Variants in PPP1R36 observed in about 807,000 individuals in gnomAD.
The protein encoded by PPP1R36 is chromosome 14 open reading frame 50.
Under a neutral mutation model 53.4 loss-of-function variants are expected in PPP1R36, and 47 were observed. The observed-to-expected ratio is 0.88, with a 90% confidence interval of 0.70 to 1.12. The LOEUF is 1.12. Among genes scored for constraint, PPP1R36 ranks in the 50% most tolerant of loss-of-function variants. The probability of loss-of-function intolerance (pLI) is 0.00; values close to 1 mark genes in which losing one functional copy is unlikely to be tolerated. For synonymous variants in PPP1R36, 153 were observed against 170.5 expected (o/e 0.90, Z 0.80); for missense variants, 456 against 513.9 (o/e 0.89, Z 1.09).
chr14:64,559,326 C>CTT (rs3832948), intron 3 of PPP1R36: 123,005 of 152,170 alleles, frequency 0.81, 49,868 homozygotes, highest in East Asian at 0.87. Flanking sequence ...GAACCGAACT[C>CTT]TTTCCCTGGG....
At chr14:64,581,497 C>T (rs1277441322) in intron 8 of PPP1R36, among the ~76,000 whole-genome samples, 1 of 152,158 alleles carries the variant, frequency 6.6e-6, no homozygotes, top group Non-Finnish European at 1.5e-5. Flanking sequence ...TCTTGTGACT[C>T]TAACTTCCTT....
At chr14:64,562,818 A>G (rs754415477) in intron 3 of PPP1R36, among the ~76,000 whole-genome samples, 1 of 152,020 alleles carries the variant, frequency 6.6e-6, no homozygotes, top group Non-Finnish European at 1.5e-5. Context: ...TTTACTTCCA[A>G]TAACCCCCAA....
rs376746042 is a variant in PPP1R36, at chr14:64,564,850, C to T, written c.269+13C>T. On this transcript the variant is annotated intron_variant, in intron 4 of 11. Transcript: ENST00000298705. ...CAGCTTCAGACAGGTAGATTAACTT[C>T]CCAATCATGCCAGAGTTGCTGATAG... 7.8e-5 allele frequency: 123 copies of T among 1,569,694 alleles called. No individual in the cohort carries two copies. The highest frequency in any genetic ancestry group is 1.0e-4 in the Non-Finnish European group (116 of 1,148,632).
rs373435160 is a variant in PPP1R36 at position 64,550,034 on chromosome 14, C to G, written c.37C>G (p.Arg13Gly). ...GCCCGAGTTTTATGCGAGGAGGAAG[C>G]GGTTAGGTGGGCAGACCCCTTACTT... Reference protein sequence around the residue: ...RVPEFYARRKRLGGQTPYLMD... With the variant: ...RVPEFYARRKGLGGQTPYLMD... Residue 13 changes from arginine to glycine, a missense_variant, in exon 1 of 12, where the codon CGG becomes GGG. By Grantham distance (125) the Arg-to-Gly change is moderately radical. Coordinates refer to ENST00000298705, the MANE Select transcript of PPP1R36 (RefSeq NM_172365.3). 10 of 1,574,164 alleles carry G rather than the reference C, an allele frequency of 6.4e-6. No homozygotes were observed. The East Asian group carries it at 1.2e-4, about 18-fold the overall frequency.
At chr14:64,561,413 G>T (rs1032472657) in intron 3 of PPP1R36, among the ~76,000 whole-genome samples, 1 of 152,158 alleles carries the variant, frequency 6.6e-6, no homozygotes, top group African/African-American at 2.4e-5. Flanking sequence ...AATACAACAG[G>T]ATACCCTAAC....
chr14:64,560,103 CAAAAAAAAAAAAAAAA>C (rs1171697200), intron 3 of PPP1R36, among the ~76,000 whole-genome samples: 6 of 27,446 alleles, frequency 2.2e-4, no homozygotes, highest in Admixed American at 1.8e-3. Flanking sequence ...GAATCTGTCA[CAAAAAAAAAAAAAAAA>C]AAAAAAAAAA....
chr14:64,565,724 T>C (rs745984990), intron 6 of PPP1R36, 32 bp downstream of exon 6: 1 of 1,487,852 alleles, frequency 6.7e-7, no homozygotes, highest in South Asian at 1.1e-5. Flanking sequence ...TTTTAGATCT[T>C]TTATCCTTTA....
intron 1 of PPP1R36, chr14:64,550,295 A>G (rs2080084161): frequency 3.7e-6 from 5 of 1,344,082 alleles, no homozygotes; most frequent in Non-Finnish European, 4.8e-6. Flanking sequence ...AGGTAGTTAG[A>G]TATTTACGAA....
intron 3 of PPP1R36, among the ~76,000 whole-genome samples, chr14:64,556,762 A>AAGTGTGTGTGTGTGTGTG: frequency 7.5e-6 from 1 of 134,060 alleles, no homozygotes; most frequent in South Asian, 2.7e-4. Flanking sequence ...TCTCCAAAAA[A>AAGTGTGTGTGTGTGTGTG]TGTGTGTGTG....
intron 6 of PPP1R36, among the ~76,000 whole-genome samples, chr14:64,567,076 C>G (rs574022735): frequency 6.6e-6 from 1 of 152,248 alleles, no homozygotes; most frequent in South Asian, 2.1e-4. Context: ...GTGTCTGTTG[C>G]TGGGGGAACC....
intron 8 of PPP1R36, among the ~76,000 whole-genome samples, chr14:64,577,715 T>A (rs1020601294): frequency 8.0e-6 from 1 of 124,272 alleles, no homozygotes; most frequent in Non-Finnish European, 1.8e-5. Context: ...GCTGCCATGA[T>A]TACTTTTTTT....
chr14:64,578,899 CG>C (rs1429523032), intron 8 of PPP1R36, among the ~76,000 whole-genome samples: 1 of 152,158 alleles, frequency 6.6e-6, no homozygotes, highest in African/African-American at 2.4e-5. Flanking sequence ...AAAGGTGGTA[CG>C]TTTACACCTT....
intron 7 of PPP1R36, 38 bp from the exon 8 acceptor site, chr14:64,574,417 A>G: frequency 6.3e-7 from 1 of 1,580,284 alleles, no homozygotes; most frequent in Non-Finnish European, 8.6e-7. Flanking sequence ...ACTTATGACA[A>G]TTAACCCAAA....
chr14:64,570,451 C>T (rs568050176), intron 7 of PPP1R36, among the ~76,000 whole-genome samples: 2 of 152,112 alleles, frequency 1.3e-5, no homozygotes, highest in South Asian at 4.2e-4. Context: ...CATTGCACTC[C>T]AGCCTGGGCG....
chr14:64,550,119 T>A (rs1359961348), intron 1 of PPP1R36, 53 bp downstream of exon 1: 1 of 1,534,404 alleles, frequency 6.5e-7, no homozygotes, highest in African/African-American at 1.4e-5. Flanking sequence ...AGGCGGGCCC[T>A]GCTGCCCCCA....
At chr14:64,588,349 G>A in intron 11 of PPP1R36, 54 bp downstream of exon 11, 1 of 1,495,862 alleles carries the variant, frequency 6.7e-7, no homozygotes, top group Non-Finnish European at 9.1e-7. Flanking sequence ...TCCCAGGTGG[G>A]GCTGGAAGGG....
At chr14:64,576,125 G>A (rs996598686) in intron 8 of PPP1R36, among the ~76,000 whole-genome samples, 1 of 143,526 alleles carries the variant, frequency 7.0e-6, no homozygotes, top group African/African-American at 2.6e-5. Flanking sequence ...TGTCCCCATA[G>A]GCTGGAGTGC....
chr14:64,583,206 C>G (rs2080403611), intron 8 of PPP1R36, among the ~76,000 whole-genome samples: 1 of 151,240 alleles, frequency 6.6e-6, no homozygotes, highest in Non-Finnish European at 1.5e-5. Flanking sequence ...AGCCACCATG[C>G]CAGGCCAATT....
At chr14:64,583,348 T>G (rs2080404935) in intron 8 of PPP1R36, among the ~76,000 whole-genome samples, 1 of 151,950 alleles carries the variant, frequency 6.6e-6, no homozygotes, top group Non-Finnish European at 1.5e-5. Context: ...AGAAGTAAAT[T>G]TGTAGAGCTT....
Sources: allele counts gnomAD v4.1 joint callset (sites outside exome capture counted in the v4.1 genomes callset), GRCh38; gene constraint gnomAD v4.1.1; transcripts MANE v1.5; gene names NCBI Gene and HGNC (gene_info 2026-07-23, HGNC 2026-07-21).